The following KEAP1 variants were observed in gnomAD, a reference collection of about 807,000 sequenced individuals.
KEAP1 encodes the protein kelch like ECH associated protein 1, also known as kelch-like ECH-associated protein 1.
A neutral mutation model predicts 59.7 loss-of-function variants in KEAP1; 26 were observed. The observed-to-expected ratio is 0.44, with a 90% CI of 0.32 to 0.60. The LOEUF (loss-of-function observed/expected upper bound fraction) is 0.60. Ranked by LOEUF, KEAP1 falls within the 20% of genes least tolerant of loss-of-function variation. The pLI is 0.06. For synonymous variants in KEAP1, 350 were observed against 358.3 expected (o/e 0.98, Z 0.26); for missense variants, 539 against 871.4 (o/e 0.62, Z 4.80).
At chr19:10,500,683 T>C (rs1050804019) in intron 1 of KEAP1, among the ~76,000 whole-genome samples, 5 of 81,480 alleles carry the variant, frequency 6.1e-5, no homozygotes, top group African/African-American at 3.5e-4. Context: ...TTTGTTTGCT[T>C]TTTTTTTTTT....
intron 3 of KEAP1, 50 bp from the exon 4 acceptor site, chr19:10,489,903 C>T (rs201188595): frequency 4.6e-6 from 7 of 1,530,658 alleles, no homozygotes; most frequent in East Asian, 2.3e-5. Context: ...AGCTGACCTT[C>T]GTGGAATACT....
Position 10,491,507 on chromosome 19 carries a change from C to T in KEAP1, c.1325+70G>A, listed in dbSNP as rs907743522. On this transcript the variant is annotated intron_variant, in intron 3 of 5. Transcript: ENST00000171111. The surrounding 1 kb of genome is among the most constrained non-coding windows in gnomAD (Gnocchi z 5.2). ...AGGAAACAGCCTCAGGAAGAATACC[C>T]GGATCTCAGTGTCTTGGGACTTGCC... The T allele has an allele frequency of 1.5e-6, 2 of 1,319,768 alleles. No individual in the cohort carries two copies. The highest frequency in any genetic ancestry group is 1.7e-5 in the South Asian group (1 of 60,148). The allele number at this position is 1,319,768 out of a possible 1,614,324, so 81.8% of individuals were successfully genotyped here.
At chr19:10,498,965 G>C (rs1486662735) in intron 2 of KEAP1, among the ~76,000 whole-genome samples, 1 of 152,020 alleles carries the variant, frequency 6.6e-6, no homozygotes, top group African/African-American at 2.4e-5. Flanking sequence ...CTCCTGAGCA[G>C]CTGGGACTAC....
chr19:10,491,773 C>T lies in KEAP1; in HGVS notation c.1129G>A (p.Val377Met), dbSNP rs1488420973. 3 of 1,576,144 alleles carry T rather than the reference C, an allele frequency of 1.9e-6. No homozygotes were observed. Among genetic ancestry groups the T allele is most frequent in the East Asian group, 2.4e-5 (1 of 42,512 alleles). ...TCGGGCGAGTTGTTCCTGCCGCCCA[C>T]GGCGTACAACAGCCCGCCCACCACG... ...GCVVGGLLYA[V>M]GGRNNSPDGN... The change falls in exon 3 of 6, where the codon GTG becomes ATG. Residue 377 changes from valine to methionine, a missense_variant. Coordinates refer to ENST00000171111, the MANE Select transcript of KEAP1 (RefSeq NM_203500.2). The surrounding 1 kb of genome is among the most constrained non-coding windows in gnomAD (Gnocchi z 5.2).
chr19:10,491,415 T>A lies in KEAP1; in HGVS notation c.1325+162A>T, dbSNP rs961922368. ...CCAGCCCCAGGCACAGAATCAAAGG[T>A]CACTGACTAGAACTCTCCAAGGAGC... is the stretch of plus-strand genomic sequence containing the variant. On this transcript the variant is annotated intron_variant, in intron 3 of 5. Transcript: ENST00000171111. This position sits in a 1 kb window ranked among gnomAD's most constrained non-coding sequence, Gnocchi z 5.2. 2.0e-5 allele frequency among the ~76,000 whole-genome samples: 3 copies of A among 152,072 alleles called. No homozygotes were observed. Among genetic ancestry groups the A allele is most frequent in the Non-Finnish European group, 4.4e-5 (3 of 68,012 alleles).
chr19:10,498,824 C>A (rs1229913770), intron 2 of KEAP1, among the ~76,000 whole-genome samples: 1 of 149,012 alleles, frequency 6.7e-6, no homozygotes, highest in Non-Finnish European at 1.5e-5. Flanking sequence ...AACTCAGAAC[C>A]CCAGTTGTTT....
chr19:10,493,177 T>C (rs1474998247), intron 2 of KEAP1, among the ~76,000 whole-genome samples: 2 of 129,968 alleles, frequency 1.5e-5, no homozygotes, highest in Admixed American at 1.5e-4. Flanking sequence ...TTTTTTTTTT[T>C]GGAGACAGTC....
At chr19:10,487,999 A>G (rs1188393033) in intron 5 of KEAP1, among the ~76,000 whole-genome samples, 1 of 152,008 alleles carries the variant, frequency 6.6e-6, no homozygotes, top group Admixed American at 6.6e-5. Flanking sequence ...GTGGTGGCGC[A>G]TGCCTGTAAC....
intron 1 of KEAP1, among the ~76,000 whole-genome samples, chr19:10,500,292 C>T (rs118170044): frequency 2.4e-4 from 37 of 152,320 alleles, no homozygotes; most frequent in Non-Finnish European, 4.1e-4. Context: ...TCATGTCTCT[C>T]CCCTGCTCTG....
chr19:10,494,594 C>A (rs971073043), intron 2 of KEAP1, among the ~76,000 whole-genome samples: 15 of 149,536 alleles, frequency 1.0e-4, no homozygotes, highest in African/African-American at 3.7e-4. Context: ...GCCTCGGCCT[C>A]CCAAAGTGCT....
chr19:10,486,456 C>A lies in KEAP1; in HGVS notation c.*196G>T, dbSNP rs758919228. 1.6e-4 allele frequency: 102 copies of A among 629,520 alleles called. No homozygotes were observed. The highest frequency in any genetic ancestry group is 2.6e-4 in the Non-Finnish European group (92 of 358,704). The allele number at this position is 629,520 out of a possible 1,614,324, so 39.0% of individuals were successfully genotyped here. A position where few individuals can be genotyped will look rare whatever the true frequency, so the allele number is the denominator to read the frequency against. On this transcript the variant is annotated 3_prime_UTR_variant, in exon 6 of 6. Coordinates refer to ENST00000171111, the MANE Select transcript of KEAP1 (RefSeq NM_203500.2). ...CCAGCCAGGCTGTCTTGGACACTCC[C>A]GGGGCTCCGCTGAGGGGCACATGAT...
intron 5 of KEAP1, among the ~76,000 whole-genome samples, chr19:10,487,821 C>T (rs1471548295): frequency 6.6e-6 from 1 of 151,266 alleles, no homozygotes; most frequent in Admixed American, 6.6e-5. Context: ...CATTGTGAAA[C>T]CCCGTCTCTA....
At chr19:10,493,931 G>C (rs1347056090) in intron 2 of KEAP1, among the ~76,000 whole-genome samples, 1 of 152,108 alleles carries the variant, frequency 6.6e-6, no homozygotes, top group East Asian at 1.9e-4. Flanking sequence ...ACAGGCGTGA[G>C]CCACCGGACC....
chr19:10,500,213 A>G, intron 1 of KEAP1, 133 bp from the exon 2 acceptor site: 1 of 645,390 alleles, frequency 1.5e-6, no homozygotes, highest in East Asian at 2.8e-5. Flanking sequence ...ATCCATTTGC[A>G]AACTTGCAAA....
At chr19:10,498,325 G>T (rs938974819) in intron 2 of KEAP1, among the ~76,000 whole-genome samples, 1 of 150,960 alleles carries the variant, frequency 6.6e-6, no homozygotes, top group African/African-American at 2.4e-5. Flanking sequence ...TCAGCCTCTC[G>T]AGTAGCAGGG....
Position 10,491,527 on chromosome 19 carries a change from C to G in KEAP1, c.1325+50G>C. On this transcript the variant is annotated intron_variant, in intron 3 of 5. Transcript: ENST00000171111. This position sits in a 1 kb window ranked among gnomAD's most constrained non-coding sequence, Gnocchi z 5.2. ...ATACCCGGATCTCAGTGTCTTGGGA[C>G]TTGCCAGGAGCAGGACCCTCCGAGC... 1 of 1,433,806 alleles carries G rather than the reference C, an allele frequency of 7.0e-7. No individual in the cohort carries two copies. The highest frequency in any genetic ancestry group is 9.3e-7 in the Non-Finnish European group (1 of 1,080,208). 88.8% of individuals were successfully genotyped at this position (1,433,806 alleles called of 1,614,324 possible).
chr19:10,500,403 T>C (rs544780544), intron 1 of KEAP1, among the ~76,000 whole-genome samples: 2 of 152,316 alleles, frequency 1.3e-5, no homozygotes, highest in Non-Finnish European at 2.9e-5. Context: ...CTTTGATCAC[T>C]CTGCTTCAGC....
intron 2 of KEAP1, among the ~76,000 whole-genome samples, chr19:10,498,611 G>A (rs115340898): frequency 9.8e-4 from 149 of 152,222 alleles, no homozygotes; most frequent in African/African-American, 3.5e-3. Flanking sequence ...CATGACTAAG[G>A]TTCAGACTTA....
At position 10,491,921 on chromosome 19, in the gene KEAP1, C is replaced by G. The variant is rs2144600838; in HGVS notation, c.981G>C (p.Leu327=). ...GGAAGTAGCCGCCCGCGGTGTAGAT[C>G]AGGCGGCCCACCTTGGGCGCCCGGC... ...MPCRAPKVGR[L]IYTAGGYFRQ... is the part of the protein sequence containing the mutation. Residue 327 remains leucine, a synonymous_variant, in exon 3 of 6, where the codon CTG becomes CTC. Coordinates refer to ENST00000171111, the MANE Select transcript of KEAP1 (RefSeq NM_203500.2). The surrounding 1 kb of genome is among the most constrained non-coding windows in gnomAD (Gnocchi z 5.2). 1.2e-6 allele frequency: 2 copies of G among 1,612,614 alleles called. No homozygotes were observed. The highest frequency in any genetic ancestry group is 1.7e-6 in the Non-Finnish European group (2 of 1,179,450).
Sources: allele counts gnomAD v4.1 joint callset (sites outside exome capture counted in the v4.1 genomes callset), GRCh38; gene constraint gnomAD v4.1.1; non-coding constraint Gnocchi (gnomAD v3.1); transcripts MANE v1.5; gene names NCBI Gene and HGNC (gene_info 2026-07-23, HGNC 2026-07-21).